The following BORCS7 variants were observed in gnomAD, a reference collection of about 807,000 sequenced individuals.
The protein encoded by BORCS7 is BLOC-1-related complex subunit 7.
Under a neutral mutation model 17.5 loss-of-function variants are expected in BORCS7, and 20 were observed. That is an observed-to-expected ratio of 1.14 (90% CI 0.80 to 1.66). The LOEUF is 1.66. BORCS7 is among the 40% of genes most tolerant of loss of function. The pLI is 0.00. For synonymous variants in BORCS7, 57 were observed against 49.8 expected (o/e 1.14, Z -0.61); for missense variants, 122 against 129.7 (o/e 0.94, Z 0.29).
chr10:102,858,208 G>A (rs1844461343), intron 1 of BORCS7, among the ~76,000 whole-genome samples: 1 of 125,784 alleles, frequency 8.0e-6, no homozygotes, highest in South Asian at 2.9e-4. Context: ...GAGAGCGAGC[G>A]AGAGAGAGAG....
chr10:102,859,650 T>A (rs1844486110), intron 1 of BORCS7, among the ~76,000 whole-genome samples: 1 of 151,446 alleles, frequency 6.6e-6, no homozygotes, highest in Non-Finnish European at 1.5e-5. Flanking sequence ...ACTGCAACTT[T>A]CGCCTCCTGG....
At chr10:102,861,204 C>A (rs1461875196) in intron 3 of BORCS7, among the ~76,000 whole-genome samples, 1 of 151,938 alleles carries the variant, frequency 6.6e-6, no homozygotes, top group Non-Finnish European at 1.5e-5. Flanking sequence ...CACCTGAGAT[C>A]AGGGGTTCAA....
At chr10:102,858,388 G>T (rs1290805170) in intron 1 of BORCS7, among the ~76,000 whole-genome samples, 2 of 152,052 alleles carry the variant, frequency 1.3e-5, no homozygotes, top group East Asian at 3.9e-4. Context: ...AGGGGCTCAT[G>T]CCTGTAATCC....
chr10:102,860,654 G>C (rs1844502622), intron 3 of BORCS7, 113 bp downstream of exon 3: 2 of 1,162,414 alleles, frequency 1.7e-6, no homozygotes, highest in Non-Finnish European at 2.5e-6. Context: ...GAGTAAAGGT[G>C]GGGGTGGCCA....
chr10:102,860,210 T>G, intron 1 of BORCS7, 122 bp from the exon 2 acceptor site: 1 of 754,336 alleles, frequency 1.3e-6, no homozygotes, highest in Non-Finnish European at 2.2e-6. Flanking sequence ...ATTTTGAGTG[T>G]TTGTGGTTGT....
chr10:102,856,482 A>G (rs1280458494), intron 1 of BORCS7, among the ~76,000 whole-genome samples: 1 of 152,202 alleles, frequency 6.6e-6, no homozygotes, highest in Non-Finnish European at 1.5e-5. Flanking sequence ...ATGAAATAAT[A>G]CGAAAAATGA....
At chr10:102,862,219 G>A (rs1208902051) in intron 4 of BORCS7, 39 bp downstream of exon 4, 1 of 1,583,394 alleles carries the variant, frequency 6.3e-7, no homozygotes, top group Non-Finnish European at 8.7e-7. Flanking sequence ...GGAACCAACT[G>A]AAGCAGGCTG....
intron 1 of BORCS7, 51 bp downstream of exon 1, chr10:102,854,478 T>C (rs772699694): frequency 6.6e-7 from 1 of 1,505,270 alleles, no homozygotes; most frequent in Non-Finnish European, 8.9e-7. Context: ...AGTCGCAGTC[T>C]TTCGTTGCTG....
intron 1 of BORCS7, among the ~76,000 whole-genome samples, chr10:102,858,858 T>C (rs2134098138): frequency 6.6e-6 from 1 of 152,124 alleles, no homozygotes; most frequent in Non-Finnish European, 1.5e-5. Flanking sequence ...CGCTACCCTT[T>C]TCACTAGAGT....
At chr10:102,854,475 G>A in intron 1 of BORCS7, 48 bp downstream of exon 1, 1 of 1,505,568 alleles carries the variant, frequency 6.6e-7, no homozygotes, top group Non-Finnish European at 8.9e-7. Context: ...GGGAGTCGCA[G>A]TCTTTCGTTG....
intron 1 of BORCS7, among the ~76,000 whole-genome samples, chr10:102,858,203 C>CGAGAGAGAGAGAGA (rs1844461101): frequency 7.8e-6 from 1 of 128,166 alleles, no homozygotes; most frequent in African/African-American, 2.8e-5. Flanking sequence ...AGAGAGAGAG[C>CGAGAGAGAGAGAGA]GAGCGAGAGA....
chr10:102,860,831 A>T, intron 3 of BORCS7: 1 of 520,110 alleles, frequency 1.9e-6, no homozygotes. Flanking sequence ...TGCCAGGACC[A>T]TGCTAGCACT....
intron 1 of BORCS7, among the ~76,000 whole-genome samples, chr10:102,854,915 A>T (rs1564785441): frequency 6.8e-6 from 1 of 147,332 alleles, no homozygotes; most frequent in Non-Finnish European, 1.5e-5. Context: ...CGTATATATT[A>T]TATATAATGT....
At chr10:102,860,792 G>T (rs1844504616) in intron 3 of BORCS7, 2 of 591,314 alleles carry the variant, frequency 3.4e-6, no homozygotes, top group South Asian at 2.0e-5. Context: ...CTCAGAGAGA[G>T]ACTATAAACC....
At chr10:102,862,627 C>G (rs568375594) in intron 4 of BORCS7, among the ~76,000 whole-genome samples, 1 of 152,256 alleles carries the variant, frequency 6.6e-6, no homozygotes, top group Admixed American at 6.5e-5. Context: ...TTACATGCAA[C>G]AGTATTTATG....
chr10:102,854,425 G>A lies in BORCS7; in HGVS notation c.139G>A (p.Glu47Lys), dbSNP rs1434780274. The A allele has an allele frequency of 3.9e-6, 6 of 1,535,250 alleles. No individual in the cohort carries two copies. The highest frequency in any genetic ancestry group is 2.5e-5 in the East Asian group (1 of 40,554). The change falls in exon 1 of 5, where the codon GAG becomes AAG. Residue 47 changes from glutamate (E) to lysine (K), a missense_variant and splice_region_variant. Physicochemically the swap from Glu to Lys is moderately conservative, Grantham distance 56 (BLOSUM62 1). Transcript: ENST00000339834. ...GGTGCTGAAAGGCTCCCGGAGCTCC[G>A]AGGTGAGCTGGAAGTGGACTCTCCC... is the stretch of plus-strand genomic sequence containing the variant. ...KQVLKGSRSS[E>K]LLGQAARNMV...
intron 3 of BORCS7, 135 bp from the exon 4 acceptor site, chr10:102,862,025 A>G (rs578230893): frequency 6.0e-6 from 5 of 839,046 alleles, no homozygotes; most frequent in East Asian, 2.5e-5. Context: ...CAATAGCACA[A>G]TCTTAGGATA....
chr10:102,854,485 G>C lies in BORCS7; in HGVS notation c.141+58G>C, dbSNP rs908191922. On this transcript the variant is annotated intron_variant, in intron 1 of 4. Coordinates refer to ENST00000339834, the MANE Select transcript of BORCS7 (RefSeq NM_001136200.2). ...GTCCGGGGAGTCGCAGTCTTTCGTT[G>C]CTGTGGGAAGGAGGTCGCGTTGCAT... is the stretch of plus-strand genomic sequence containing the variant. 2.0e-6 allele frequency: 3 copies of C among 1,500,510 alleles called. No homozygotes were observed. The African/African-American group carries it at 4.2e-5, about 21-fold the overall frequency. The allele number at this position is 1,500,510 out of a possible 1,614,324, so 92.9% of individuals were successfully genotyped here.
At chr10:102,860,222 T>A (rs1250125982) in intron 1 of BORCS7, 110 bp from the exon 2 acceptor site, 5 of 828,510 alleles carry the variant, frequency 6.0e-6, no homozygotes, top group Non-Finnish European at 9.9e-6. Context: ...TGTGGTTGTA[T>A]AGGGTGGAGG....
Sources: gnomAD v4.1 joint callset for allele counts (sites outside exome capture counted in the v4.1 genomes callset) on GRCh38, gnomAD v4.1.1 for gene constraint, MANE v1.5 for transcripts, NCBI Gene and HGNC (gene_info 2026-07-23, HGNC 2026-07-21) for gene names.